The following HIBADH variants were observed in gnomAD, a reference collection of about 807,000 sequenced individuals.
HIBADH encodes 3-hydroxyisobutyrate dehydrogenase, mitochondrial.
Under a neutral mutation model 36.1 loss-of-function variants are expected in HIBADH, and 25 were observed. That is an observed-to-expected ratio of 0.69 (90% CI 0.50 to 0.97). The LOEUF (loss-of-function observed/expected upper bound fraction) is 0.97. Among genes scored for constraint, HIBADH ranks in the 50% least tolerant of loss-of-function variants. The probability of loss-of-function intolerance (pLI) is 0.00; values close to 1 mark genes in which losing one functional copy is unlikely to be tolerated. For synonymous variants in HIBADH, 160 were observed against 149.5 expected (o/e 1.07, Z -0.51); for missense variants, 421 against 418.0 (o/e 1.01, Z -0.06).
At chr7:27,574,240 T>A (rs184292011) in intron 4 of HIBADH, among the ~76,000 whole-genome samples, 55 of 151,394 alleles carry the variant, frequency 3.6e-4, no homozygotes, top group African/African-American at 1.3e-3. Flanking sequence ...AGCAGGTGAA[T>A]CCCCAGAGAA....
At chr7:27,550,124 T>C (rs1457185489) in intron 4 of HIBADH, among the ~76,000 whole-genome samples, 3 of 152,250 alleles carry the variant, frequency 2.0e-5, no homozygotes, top group African/African-American at 4.8e-5. Context: ...TTGGCCAGGA[T>C]GGTCTCGATC....
chr7:27,546,955 A>C (rs1474057797), intron 4 of HIBADH, among the ~76,000 whole-genome samples: 1 of 152,146 alleles, frequency 6.6e-6, no homozygotes, highest in African/African-American at 2.4e-5. Flanking sequence ...TCTGTTCTCC[A>C]TATAGCAGCT....
intron 1 of HIBADH, among the ~76,000 whole-genome samples, chr7:27,659,155 T>A (rs538101122): frequency 6.6e-6 from 1 of 152,206 alleles, no homozygotes; most frequent in African/African-American, 2.4e-5. Context: ...TGATGCTAAT[T>A]TTTCCATTCT....
chr7:27,584,900 AG>A (rs2128288007), intron 4 of HIBADH, among the ~76,000 whole-genome samples: 1 of 152,170 alleles, frequency 6.6e-6, no homozygotes, highest in East Asian at 1.9e-4. Flanking sequence ...CTCTATTATT[AG>A]AAAAATAATT....
intron 5 of HIBADH, among the ~76,000 whole-genome samples, chr7:27,541,912 A>G (rs1271443369): frequency 2.0e-5 from 3 of 152,222 alleles, no homozygotes; most frequent in Non-Finnish European, 4.4e-5. Context: ...TGCAATAGCA[A>G]CAGGTGGCCA....
At chr7:27,565,679 A>G (rs1482526247) in intron 4 of HIBADH, among the ~76,000 whole-genome samples, 1 of 152,180 alleles carries the variant, frequency 6.6e-6, no homozygotes, top group Non-Finnish European at 1.5e-5. Context: ...ATTTCTAGTG[A>G]GAGACTAAGC....
chr7:27,569,575 G>A (rs552182292), intron 4 of HIBADH, among the ~76,000 whole-genome samples: 2 of 152,102 alleles, frequency 1.3e-5, no homozygotes, highest in South Asian at 4.2e-4. Flanking sequence ...GCTCAAGGGT[G>A]GGCCCAGAAG....
chr7:27,662,698 C>T lies in HIBADH; in HGVS notation c.91G>A (p.Val31Met). The T allele has an allele frequency of 7.4e-7, 1 of 1,353,248 alleles. No individual in the cohort carries two copies. Among genetic ancestry groups the T allele is most frequent in the South Asian group, 1.8e-5 (1 of 56,016 alleles). 83.8% of individuals were successfully genotyped at this position (1,353,248 alleles called of 1,614,324 possible). A position where few individuals can be genotyped will look rare whatever the true frequency, so the allele number is the denominator to read the frequency against. The change falls in exon 1 of 8, where the codon GTG becomes ATG. Residue 31 changes from valine (V) to methionine (M), a missense_variant and splice_region_variant. Val to Met is a conservative substitution (Grantham distance 21). Transcript: ENST00000265395. ...GGGGGAGGAGGCGTGAGGTCCTTAC[C>T]CGCTGCAAAGCTGCCGGCTGCCGGC... ...LRPAAGSFAAVCSRSVASKTP... is the reference protein window; with the variant it reads ...LRPAAGSFAAMCSRSVASKTP...
chr7:27,570,710 G>C (rs535258663), intron 4 of HIBADH, among the ~76,000 whole-genome samples: 1 of 151,870 alleles, frequency 6.6e-6, no homozygotes, highest in East Asian at 1.9e-4. Context: ...TGCTGGGGGC[G>C]GTGGGGGGAG....
At chr7:27,626,960 C>T (rs7806812) in intron 4 of HIBADH, among the ~76,000 whole-genome samples, 108,632 of 151,966 alleles carry the variant, frequency 0.71, 38,964 homozygotes, top group East Asian at 0.94. Flanking sequence ...TGGGCCCATT[C>T]TGGGTATCTA....
At chr7:27,584,678 T>C (rs1583581836) in intron 4 of HIBADH, among the ~76,000 whole-genome samples, 1 of 152,092 alleles carries the variant, frequency 6.6e-6, no homozygotes, top group African/African-American at 2.4e-5. Context: ...CAGGATCGTT[T>C]GGGGCATATT....
At chr7:27,638,818 A>G (rs1321452187) in intron 2 of HIBADH, among the ~76,000 whole-genome samples, 1 of 152,176 alleles carries the variant, frequency 6.6e-6, no homozygotes, top group Non-Finnish European at 1.5e-5. Flanking sequence ...AGACATACAC[A>G]CAGTCAACAA....
chr7:27,538,453 T>C, intron 5 of HIBADH, 36 bp from the exon 6 acceptor site: 1 of 1,567,854 alleles, frequency 6.4e-7, no homozygotes, highest in Non-Finnish European at 8.8e-7. Flanking sequence ...AATATCTGTA[T>C]TTTCAAGGTA....
chr7:27,526,436 T>G (rs188122945), intron 7 of HIBADH, 64 bp from the exon 8 acceptor site: 13 of 1,297,746 alleles, frequency 1.0e-5, no homozygotes, highest in Non-Finnish European at 1.3e-5. Context: ...GAACTGTGGT[T>G]CCTTATGTTT....
At chr7:27,645,466 C>T (rs932209688) in intron 2 of HIBADH, among the ~76,000 whole-genome samples, 6 of 147,406 alleles carry the variant, frequency 4.1e-5, no homozygotes, top group African/African-American at 1.5e-4. Context: ...GCAACCTCCA[C>T]CTCCTGGGTT....
intron 4 of HIBADH, among the ~76,000 whole-genome samples, chr7:27,611,528 G>A (rs568389423): frequency 1.3e-5 from 2 of 151,000 alleles, no homozygotes; most frequent in African/African-American, 2.4e-5. Context: ...ACCCACACAC[G>A]TGTATGTATC....
At chr7:27,604,584 A>G (rs1710419459) in intron 4 of HIBADH, among the ~76,000 whole-genome samples, 1 of 152,176 alleles carries the variant, frequency 6.6e-6, no homozygotes, top group Non-Finnish European at 1.5e-5. Context: ...TTGATGTTAA[A>G]TAAGTAGAAA....
At chr7:27,599,680 CAAAAAAAAAA>C (rs3072889) in intron 4 of HIBADH, among the ~76,000 whole-genome samples, 3 of 41,086 alleles carry the variant, frequency 7.3e-5, no homozygotes, top group African/African-American at 2.4e-4. Flanking sequence ...ACTCTGTCTC[CAAAAAAAAAA>C]AAAAAAAAAA....
At chr7:27,654,256 C>T (rs1304276158) in intron 1 of HIBADH, among the ~76,000 whole-genome samples, 1 of 152,028 alleles carries the variant, frequency 6.6e-6, no homozygotes, top group African/African-American at 2.4e-5. Flanking sequence ...GCTTCAACCA[C>T]CCAAACACAT....
Sources: allele counts gnomAD v4.1 joint callset (sites outside exome capture counted in the v4.1 genomes callset), GRCh38; gene constraint gnomAD v4.1.1; transcripts MANE v1.5; gene names NCBI Gene and HGNC (gene_info 2026-07-23, HGNC 2026-07-21).